The following SKA2 variants were observed in gnomAD, a reference collection of about 807,000 sequenced individuals.
The protein encoded by SKA2 is spindle and kinetochore-associated protein 2.
Under a neutral mutation model 16.9 loss-of-function variants are expected in SKA2, and 13 were observed. That is an observed-to-expected ratio of 0.77 (90% CI 0.50 to 1.22). The LOEUF (loss-of-function observed/expected upper bound fraction) is 1.22, where lower values mean the gene tolerates loss of function less well. Among genes scored for constraint, SKA2 ranks in the 50% most tolerant of loss-of-function variants. The pLI is 0.00. For synonymous variants in SKA2, 47 were observed against 48.5 expected (o/e 0.97, Z 0.13); for missense variants, 107 against 139.7 (o/e 0.77, Z 1.18).
chr17:59,151,321 A>G (rs1433467692), intron 1 of SKA2: 1 of 413,760 alleles, frequency 2.4e-6, no homozygotes, highest in African/African-American at 2.1e-5. Flanking sequence ...AAAAACATCC[A>G]AAACCAAAAA....
chr17:59,154,183 A>AG (rs1028819156), intron 1 of SKA2, among the ~76,000 whole-genome samples: 23 of 151,580 alleles, frequency 1.5e-4, no homozygotes, highest in East Asian at 5.8e-4. Flanking sequence ...AAAAAAAAAA[A>AG]AAAAGAAAAG....
intron 2 of SKA2, among the ~76,000 whole-genome samples, chr17:59,121,793 C>CAAAAAAAAAAA (rs758240217): frequency 1.2e-5 from 1 of 81,146 alleles, no homozygotes; most frequent in African/African-American, 5.6e-5. Flanking sequence ...TACGAAAATA[C>CAAAAAAAAAAA]AAAAAAAAAA....
At chr17:59,153,615 G>A (rs1024680377) in intron 1 of SKA2, among the ~76,000 whole-genome samples, 3 of 152,108 alleles carry the variant, frequency 2.0e-5, no homozygotes, top group African/African-American at 4.8e-5. Flanking sequence ...TTTCTTCCAG[G>A]ATCACCACCC....
intron 1 of SKA2, among the ~76,000 whole-genome samples, chr17:59,150,885 A>C (rs928990409): frequency 6.6e-6 from 1 of 152,268 alleles, no homozygotes; most frequent in Non-Finnish European, 1.5e-5. Flanking sequence ...AGAAAGCAAC[A>C]AATTATAAAG....
intron 2 of SKA2, among the ~76,000 whole-genome samples, chr17:59,130,587 A>G (rs2046405759): frequency 6.6e-6 from 1 of 151,662 alleles, no homozygotes; most frequent in Non-Finnish European, 1.5e-5. Flanking sequence ...CTGAGATTGC[A>G]CCACTGCACT....
intron 2 of SKA2, among the ~76,000 whole-genome samples, chr17:59,121,793 CAAAAAAAAAAAAAAA>C (rs758240217): frequency 4.9e-5 from 4 of 81,174 alleles, no homozygotes; most frequent in Non-Finnish European, 4.4e-5. Flanking sequence ...TACGAAAATA[CAAAAAAAAAAAAAAA>C]AAAAAAAAAA....
chr17:59,135,325 T>A (rs1169263705), intron 1 of SKA2, among the ~76,000 whole-genome samples: 1 of 111,528 alleles, frequency 9.0e-6, no homozygotes, highest in Non-Finnish European at 1.9e-5. Context: ...TTTTTTTTTT[T>A]TTTTTTTTTT....
intron 2 of SKA2, 88 bp downstream of exon 2, chr17:59,131,193 A>T (rs2046409611): frequency 1.2e-6 from 1 of 805,032 alleles, no homozygotes; most frequent in Admixed American, 2.7e-5. Context: ...AATTCTTATG[A>T]TCTATTACTA....
intron 1 of SKA2, chr17:59,151,751 A>C (rs1568313114): frequency 6.5e-6 from 1 of 154,078 alleles, no homozygotes; most frequent in Non-Finnish European, 1.4e-5. Context: ...TAAACAAAGA[A>C]AACACAAAAG....
intron 1 of SKA2, among the ~76,000 whole-genome samples, chr17:59,142,420 A>T (rs1248960374): frequency 6.6e-6 from 1 of 150,604 alleles, no homozygotes; most frequent in Non-Finnish European, 1.5e-5. Flanking sequence ...CCTCCCAAGT[A>T]GCTGGGATTA....
intron 3 of SKA2, among the ~76,000 whole-genome samples, chr17:59,113,991 A>G (rs1421765325): frequency 2.0e-5 from 3 of 152,190 alleles, no homozygotes; most frequent in African/African-American, 7.2e-5. Context: ...CCTCAAGCTG[A>G]CAGCAAATGG....
At chr17:59,134,887 T>G (rs1385885493) in intron 1 of SKA2, among the ~76,000 whole-genome samples, 1 of 151,832 alleles carries the variant, frequency 6.6e-6, no homozygotes, top group East Asian at 1.9e-4. Flanking sequence ...CAAGCAGGAG[T>G]GCAGTGGCAA....
intron 1 of SKA2, 34 bp from the exon 2 acceptor site, chr17:59,131,401 C>T: frequency 4.4e-6 from 6 of 1,374,830 alleles, no homozygotes; most frequent in Non-Finnish European, 5.9e-6. Context: ...TTGTGTAAAC[C>T]AAAAGACTAA....
intron 3 of SKA2, among the ~76,000 whole-genome samples, chr17:59,118,733 T>C (rs1482299144): frequency 6.6e-6 from 1 of 152,206 alleles, no homozygotes; most frequent in Non-Finnish European, 1.5e-5. Context: ...ATCTAAGGTA[T>C]CATTTTATCG....
At chr17:59,143,210 T>A (rs994754820) in intron 1 of SKA2, among the ~76,000 whole-genome samples, 1 of 151,778 alleles carries the variant, frequency 6.6e-6, no homozygotes, top group African/African-American at 2.4e-5. Context: ...CCAAAACTTT[T>A]TTCTTTTTTT....
intron 1 of SKA2, among the ~76,000 whole-genome samples, chr17:59,147,377 G>GACACACAC (rs57098353): frequency 0.059 from 8,087 of 138,086 alleles, 293 homozygotes; most frequent in African/African-American, 0.067. Flanking sequence ...TTATATATAA[G>GACACACAC]ACACACACAC....
chr17:59,152,465 C>T (rs1417656987), intron 1 of SKA2, among the ~76,000 whole-genome samples: 1 of 151,902 alleles, frequency 6.6e-6, no homozygotes, highest in Non-Finnish European at 1.5e-5. Flanking sequence ...GTTTTAAAGA[C>T]AACTGTTTAA....
At chr17:59,143,583 A>T (rs1386851713) in intron 1 of SKA2, among the ~76,000 whole-genome samples, 1 of 151,930 alleles carries the variant, frequency 6.6e-6, no homozygotes, top group Non-Finnish European at 1.5e-5. Flanking sequence ...CATGTTGGCC[A>T]GGCTGGTCTC....
chr17:59,128,259 C>T (rs1434534025), intron 2 of SKA2, among the ~76,000 whole-genome samples: 2 of 151,634 alleles, frequency 1.3e-5, no homozygotes, highest in Non-Finnish European at 2.9e-5. Context: ...TATAGCCATA[C>T]AGTGGAGTAT....
Sources: gnomAD v4.1 joint callset for allele counts (sites outside exome capture counted in the v4.1 genomes callset) on GRCh38, gnomAD v4.1.1 for gene constraint, MANE v1.5 for transcripts, NCBI Gene and HGNC (gene_info 2026-07-23, HGNC 2026-07-21) for gene names.